TTC1: variants seen among roughly 807,000 people sequenced by gnomAD.
TTC1 encodes the protein tetratricopeptide repeat domain 1.
In TTC1, 31 loss-of-function variants were observed where a neutral mutation model predicts 37.6. The observed-to-expected ratio is 0.82, with a 90% CI of 0.62 to 1.11. The LOEUF (loss-of-function observed/expected upper bound fraction) is 1.11, where lower values mean the gene tolerates loss of function less well. Ranked by LOEUF, TTC1 falls within the 50% of genes most tolerant of loss-of-function variation. The pLI is 0.00. For missense variants in TTC1, 351 were observed against 339.0 expected, an observed-to-expected ratio of 1.04 and a Z score of -0.28; for synonymous variants, 127 against 122.4, an observed-to-expected ratio of 1.04 and a Z score of -0.25.
intron 5 of TTC1, among the ~76,000 whole-genome samples, chr5:160,045,722 G>A (rs1169594645): frequency 6.6e-6 from 1 of 151,784 alleles, no homozygotes; most frequent in Non-Finnish European, 1.5e-5. Flanking sequence ...ACCACACCCA[G>A]CTAACTTTTT....
intron 2 of TTC1, among the ~76,000 whole-genome samples, chr5:160,020,276 G>A (rs1756682253): frequency 6.6e-6 from 1 of 152,140 alleles, no homozygotes; most frequent in Non-Finnish European, 1.5e-5. Flanking sequence ...ACTTAATGCT[G>A]TCTACAAACG....
intron 7 of TTC1, among the ~76,000 whole-genome samples, chr5:160,052,370 C>T (rs1047239206): frequency 2.0e-5 from 3 of 151,898 alleles, no homozygotes; most frequent in Non-Finnish European, 2.9e-5. Context: ...GTGGCATGTG[C>T]CTGCCCATAG....
intron 7 of TTC1, among the ~76,000 whole-genome samples, chr5:160,064,676 G>A (rs1007109600): frequency 3.9e-5 from 6 of 152,148 alleles, no homozygotes; most frequent in African/African-American, 1.4e-4. Context: ...GATTCCCAGA[G>A]AGAGCCAGCA....
At chr5:160,062,628 A>T (rs747022567) in intron 7 of TTC1, among the ~76,000 whole-genome samples, 2 of 152,094 alleles carry the variant, frequency 1.3e-5, no homozygotes, top group Non-Finnish European at 2.9e-5. Context: ...TGATCCCTCC[A>T]TCCATGTAAT....
intron 2 of TTC1, among the ~76,000 whole-genome samples, chr5:160,021,099 C>G (rs1756696429): frequency 6.6e-6 from 1 of 151,634 alleles, no homozygotes; most frequent in South Asian, 2.1e-4. Flanking sequence ...TTGTGTAGAT[C>G]AGTGGTTTCC....
Position 160,043,172 on chromosome 5 carries a change from A to G in TTC1, c.541+3A>G, listed in dbSNP as rs1486641694. On this transcript the variant is annotated splice_donor_region_variant and intron_variant, in intron 5 of 7. Transcript: ENST00000231238. The stretch of plus-strand genomic sequence containing the variant: ...GGCCATCAATGACTGCAGCAAAGGT[A>G]CAGCTTTATTATCTTATTACATGTT... 2.5e-6 allele frequency: 4 copies of G among 1,613,462 alleles called. No individual in the cohort carries two copies. The highest frequency in any genetic ancestry group is 8.5e-7 in the Non-Finnish European group (1 of 1,179,752).
intron 1 of TTC1, among the ~76,000 whole-genome samples, chr5:160,009,585 C>G (rs893317262): frequency 5.9e-5 from 9 of 151,456 alleles, no homozygotes; most frequent in Admixed American, 2.7e-4. Flanking sequence ...TCAGAATCAC[C>G]TGGGATGAAA....
chr5:160,010,785 A>T lies in TTC1; in HGVS notation c.257A>T (p.Asp86Val). The change falls in exon 2 of 8, where the codon GAT becomes GTT. Residue 86 changes from aspartate (D) to valine (V), a missense_variant. Transcript: ENST00000231238. ...AAGGTTGAGAACAAATCTAATGAAG[A>T]TGTGAATTCCTCTGAACTAGATGAA... ...ADKVENKSNE[D>V]VNSSELDEEY... The T allele has an allele frequency of 6.2e-7, 1 of 1,614,232 alleles. No individual in the cohort carries two copies. Among genetic ancestry groups the T allele is most frequent in the Non-Finnish European group, 8.5e-7 (1 of 1,180,048 alleles).
intron 4 of TTC1, among the ~76,000 whole-genome samples, chr5:160,041,513 A>T (rs1242391489): frequency 6.6e-6 from 1 of 151,836 alleles, no homozygotes. Context: ...GGGTTTCACC[A>T]TGTTAGCCAG....
At position 160,065,050 on chromosome 5, in the gene TTC1, AAAT is replaced by A. The variant is rs1454109847; in HGVS notation, c.870_872del (p.Asn291del). On this transcript the variant is annotated inframe_deletion, in exon 8 of 8. Transcript: ENST00000231238. Reference sequence around the variant, plus strand: ...ACTCCATCAATTTCGTTCAAAATCCAAATAATAACAGATAACAAAGATAACAAA... The same window carrying A: ...ACTCCATCAATTTCGTTCAAAATCCAAATAACAGATAACAAAGATAACAAA... The A allele has an allele frequency of 6.2e-6, 10 of 1,610,738 alleles. No homozygotes were observed. Among genetic ancestry groups the A allele is most frequent in the Non-Finnish European group, 8.5e-6 (10 of 1,179,380 alleles).
At chr5:160,019,223 A>G (rs935085489) in intron 2 of TTC1, among the ~76,000 whole-genome samples, 1 of 152,184 alleles carries the variant, frequency 6.6e-6, no homozygotes, top group Non-Finnish European at 1.5e-5. Flanking sequence ...GGTATCTGGG[A>G]TTTTAAAACA....
chr5:160,019,557 T>C (rs1354025057), intron 2 of TTC1, among the ~76,000 whole-genome samples: 2 of 151,436 alleles, frequency 1.3e-5, no homozygotes, highest in Non-Finnish European at 3.0e-5. Flanking sequence ...TTTCTGATTT[T>C]GTTGTTTCCC....
chr5:160,010,562 G>A lies in TTC1; in HGVS notation c.34G>A (p.Glu12Lys), dbSNP rs772486884. ...GEKSENCGVPEDLLNGLKVTD... is the reference protein window; with the variant it reads ...GEKSENCGVPKDLLNGLKVTD... ...GAAGTCAGAGAACTGTGGGGTTCCA[G>A]AGGATCTGTTAAATGGTTTGAAGGT... is the stretch of plus-strand genomic sequence containing the variant. Residue 12 changes from glutamate (E) to lysine (K), a missense_variant, in exon 2 of 8, where the codon GAG becomes AAG. Glu to Lys is a moderately conservative substitution (Grantham distance 56). Transcript: ENST00000231238. 1 of 1,614,146 alleles carries A rather than the reference G, an allele frequency of 6.2e-7. No homozygotes were observed. Among genetic ancestry groups the A allele is most frequent in the Non-Finnish European group, 8.5e-7 (1 of 1,180,018 alleles).
rs147640958 is a variant in TTC1, at chr5:160,010,828, G to A, written c.300G>A (p.Leu100=). The part of the protein sequence containing the change: ...SELDEEYLIE[L]EKNMSDEEKQ... Reference sequence around the variant, plus strand: ...TAGATGAAGAATACCTAATAGAACTGGAAAAAAACATGTCGGATGAAGAGA... The same window carrying A: ...TAGATGAAGAATACCTAATAGAACTAGAAAAAAACATGTCGGATGAAGAGA... The change falls in exon 2 of 8, where the codon CTG becomes CTA. Residue 100 remains leucine (L), a synonymous_variant. Coordinates refer to ENST00000231238, the MANE Select transcript of TTC1 (RefSeq NM_003314.3). The A allele has an allele frequency of 7.5e-6, 12 of 1,609,802 alleles. No individual in the cohort carries two copies. Among genetic ancestry groups the A allele is most frequent in the Non-Finnish European group, 1.0e-5 (12 of 1,178,184 alleles).
At chr5:160,041,931 C>CT (rs201024356) in intron 4 of TTC1, among the ~76,000 whole-genome samples, 5 of 151,752 alleles carry the variant, frequency 3.3e-5, no homozygotes, top group African/African-American at 9.7e-5. Flanking sequence ...ACTCCTGAAA[C>CT]TTTTTTTTTA....
intron 7 of TTC1, among the ~76,000 whole-genome samples, chr5:160,059,221 G>A (rs888686968): frequency 6.6e-6 from 1 of 152,174 alleles, no homozygotes; most frequent in African/African-American, 2.4e-5. Context: ...AACATGCTTA[G>A]TGTAGCCACC....
At chr5:160,023,756 T>C in intron 2 of TTC1, 1 of 1,612,754 alleles carries the variant, frequency 6.2e-7, no homozygotes, top group Non-Finnish European at 8.5e-7. Flanking sequence ...CTTCTTTTTC[T>C]TCTTCTTTGC....
intron 2 of TTC1, among the ~76,000 whole-genome samples, chr5:160,022,706 A>G (rs540706515): frequency 3.3e-5 from 5 of 152,200 alleles, no homozygotes; most frequent in Non-Finnish European, 7.4e-5. Flanking sequence ...CAATAGTAGC[A>G]TACCATTTCC....
chr5:160,023,136 A>T (rs1200424383), intron 2 of TTC1, among the ~76,000 whole-genome samples: 1 of 152,044 alleles, frequency 6.6e-6, no homozygotes, highest in African/African-American at 2.4e-5. Context: ...TGCGCCTATA[A>T]TCCCAGCTAC....
Sources: gnomAD v4.1 joint callset for allele counts (sites outside exome capture counted in the v4.1 genomes callset) on GRCh38, gnomAD v4.1.1 for gene constraint, MANE v1.5 for transcripts, NCBI Gene and HGNC (gene_info 2026-07-23, HGNC 2026-07-21) for gene names.